The following NRG2 variants were observed in gnomAD, a reference collection of about 807,000 sequenced individuals.
NRG2 encodes pro-neuregulin-2, membrane-bound isoform.
NRG2 carries 27 observed loss-of-function variants against 73.9 expected under a neutral mutation model. The observed-to-expected ratio is 0.37, with a 90% confidence interval of 0.27 to 0.50. NRG2 has a LOEUF of 0.50. NRG2 is among the 20% of genes least tolerant of loss of function. The pLI, the probability that NRG2 is intolerant of heterozygous loss-of-function variation, is 0.96. For missense variants in NRG2, 1,126 were observed against 1,210.1 expected (o/e 0.93, Z 1.03); for synonymous variants, 532 against 541.0 (o/e 0.98, Z 0.23).
In NRG2 at chr5:139,885,755, G is replaced by A. The variant is rs193078326; in HGVS notation, c.872+1585C>T. ...AATGTGCGGGAGGGAGGGTGAGTAT[G>A]AGTGTGTGGCACCAGGTAGGGTGGG... On this transcript the variant is annotated intron_variant, in intron 2 of 9. Transcript: ENST00000361474. Among the ~76,000 whole-genome samples, 44 of 151,962 alleles carry A rather than the reference G, an allele frequency of 2.9e-4. No homozygotes were observed. The Middle Eastern group carries it at 0.01, about 35-fold the overall frequency.
At chr5:139,875,432 G>T (rs1221473938) in intron 3 of NRG2, among the ~76,000 whole-genome samples, 1 of 152,182 alleles carries the variant, frequency 6.6e-6, no homozygotes, top group Non-Finnish European at 1.5e-5. Context: ...CACATAACAG[G>T]TGCTTAACAA....
chr5:139,909,201 T>C (rs1372411846), intron 1 of NRG2, among the ~76,000 whole-genome samples: 6 of 152,234 alleles, frequency 3.9e-5, no homozygotes, highest in Non-Finnish European at 1.5e-5. Context: ...CTTTTTTCCT[T>C]TTTAACATTT....
chr5:139,936,795 T>A (rs957218328), intron 1 of NRG2, among the ~76,000 whole-genome samples: 3 of 152,214 alleles, frequency 2.0e-5, no homozygotes, highest in East Asian at 1.9e-4. Flanking sequence ...AAAAATTTTT[T>A]AAATTTTCAT....
intron 1 of NRG2, among the ~76,000 whole-genome samples, chr5:139,966,619 A>T (rs1755539756): frequency 6.6e-6 from 1 of 152,168 alleles, no homozygotes; most frequent in African/African-American, 2.4e-5. Context: ...AAAAGAGGTT[A>T]GTATATGCAA....
At chr5:140,031,165 C>G (rs1761114381) in intron 1 of NRG2, among the ~76,000 whole-genome samples, 1 of 152,148 alleles carries the variant, frequency 6.6e-6, no homozygotes, top group Non-Finnish European at 1.5e-5. Context: ...TGGAAATTTT[C>G]CTGATTCTTG....
At chr5:139,858,770 C>T (rs973161133) in intron 5 of NRG2, among the ~76,000 whole-genome samples, 13 of 152,328 alleles carry the variant, frequency 8.5e-5, no homozygotes, top group Admixed American at 4.6e-4. Flanking sequence ...ACAACACACA[C>T]GTACCTGCAG....
At chr5:140,013,682 A>G (rs1481808938) in intron 1 of NRG2, among the ~76,000 whole-genome samples, 3 of 152,110 alleles carry the variant, frequency 2.0e-5, no homozygotes, top group African/African-American at 7.2e-5. Context: ...TGGTAAATCT[A>G]CTTACATGAA....
chr5:140,036,833 T>C (rs78706714), intron 1 of NRG2, among the ~76,000 whole-genome samples: 2,234 of 152,318 alleles, frequency 0.015, 24 homozygotes, highest in Middle Eastern at 0.02. Flanking sequence ...AAAACTGCAC[T>C]GGGGAAACTT....
intron 1 of NRG2, among the ~76,000 whole-genome samples, chr5:139,905,337 C>G (rs1765161064): frequency 6.6e-6 from 1 of 152,236 alleles, no homozygotes. Flanking sequence ...CTTCTGGCTC[C>G]CAGAAAGCCT....
chr5:139,994,746 G>A (rs1190031099), intron 1 of NRG2, among the ~76,000 whole-genome samples: 1 of 152,170 alleles, frequency 6.6e-6, no homozygotes, highest in African/African-American at 2.4e-5. Flanking sequence ...CACTCAAGAG[G>A]TCTGGGTAGA....
rs114354739 is a variant in NRG2 at position 139,874,306 on chromosome 5, G to A, written c.992-2465C>T. On this transcript the variant is annotated intron_variant, in intron 3 of 9. Coordinates refer to ENST00000361474, the MANE Select transcript of NRG2 (RefSeq NM_004883.3). ...GTGGACTCTCCCTTTACACCTCCAC[G>A]AGGATGGCTCACAGCACCCCAAACT... is the stretch of plus-strand genomic sequence containing the variant. Among the ~76,000 whole-genome samples the A allele has an allele frequency of 8.6e-3, 1,308 of 152,280 alleles. 21 individuals carry two copies. Among genetic ancestry groups the A allele is most frequent in the African/African-American group, 0.031 (1,274 of 41,544 alleles).
chr5:139,884,173 C>G (rs573115661), intron 2 of NRG2, among the ~76,000 whole-genome samples: 1 of 152,272 alleles, frequency 6.6e-6, no homozygotes, highest in East Asian at 1.9e-4. Context: ...TTGAGGCTCT[C>G]TCATGCTGGA....
chr5:139,960,397 C>T (rs2126497838), intron 1 of NRG2, among the ~76,000 whole-genome samples: 1 of 152,276 alleles, frequency 6.6e-6, no homozygotes, highest in East Asian at 1.9e-4. Context: ...TGCCCGTAGT[C>T]CCAGCTACTC....
intron 6 of NRG2, among the ~76,000 whole-genome samples, chr5:139,854,279 C>A (rs1326244707): frequency 6.6e-6 from 1 of 152,250 alleles, no homozygotes. Flanking sequence ...TACTTTCTCT[C>A]CTCTTCACCT....
intron 1 of NRG2, among the ~76,000 whole-genome samples, chr5:139,964,365 C>G (rs1228769871): frequency 6.9e-6 from 1 of 145,250 alleles, no homozygotes; most frequent in Admixed American, 6.7e-5. Flanking sequence ...GATACACACA[C>G]ACACACACAC....
At chr5:139,908,149 T>C (rs1016044686) in intron 1 of NRG2, among the ~76,000 whole-genome samples, 5 of 152,252 alleles carry the variant, frequency 3.3e-5, no homozygotes, top group African/African-American at 1.2e-4. Context: ...ACTCTGAGAC[T>C]AGACTGCTTG....
chr5:139,995,315 G>A (rs1319541371), intron 1 of NRG2, among the ~76,000 whole-genome samples: 1 of 152,162 alleles, frequency 6.6e-6, no homozygotes, highest in Non-Finnish European at 1.5e-5. Flanking sequence ...GAGAGGCTCA[G>A]AATGGCAAAA....
Position 139,851,158 on chromosome 5 carries a change from T to C in NRG2, c.1772+446A>G, listed in dbSNP as rs1761389696. On this transcript the variant is annotated intron_variant, in intron 9 of 9. Transcript: ENST00000361474. The surrounding 1 kb of genome is among the most constrained non-coding windows in gnomAD (Gnocchi z 4.2). The stretch of plus-strand genomic sequence containing the variant: ...TGTGCCACCATGCCTGGCTAATTTT[T>C]GTATTTTTAGTAAAGATGGGGGTTT... 6.6e-6 allele frequency among the ~76,000 whole-genome samples: 1 copy of C among 152,102 alleles called. No individual in the cohort carries two copies. Among genetic ancestry groups the C allele is most frequent in the African/African-American group, 2.4e-5 (1 of 41,420 alleles).
At position 139,880,923 on chromosome 5, in the gene NRG2, C is replaced by T. The variant is rs1162924802; in HGVS notation, c.924G>A (p.Glu308=). 1.8e-5 allele frequency: 29 copies of T among 1,614,206 alleles called. No individual in the cohort carries two copies. The highest frequency in any genetic ancestry group is 2.4e-5 in the Non-Finnish European group (28 of 1,180,020). The change falls in exon 3 of 10, where the codon GAG becomes GAA. Residue 308 remains glutamate (E), a synonymous_variant. Coordinates refer to ENST00000361474, the MANE Select transcript of NRG2 (RefSeq NM_004883.3). ...GGATGTTCTCGGCCTCGCAGACATA[C>T]TCCCCAGCGTCCTCCACCTTCACCT... ...FNKVKVEDAG[E]YVCEAENILG... is the part of the protein sequence containing the mutation.
Sources: gnomAD v4.1 joint callset for allele counts (sites outside exome capture counted in the v4.1 genomes callset) on GRCh38, gnomAD v4.1.1 for gene constraint, Gnocchi (gnomAD v3.1) non-coding constraint, MANE v1.5 for transcripts, NCBI Gene and HGNC (gene_info 2026-07-23, HGNC 2026-07-21) for gene names.